Variants in PIP4K2A observed in about 807,000 individuals in gnomAD.
PIP4K2A encodes the protein phosphatidylinositol 5-phosphate 4-kinase type-2 alpha.
Under a neutral mutation model 42.9 loss-of-function variants are expected in PIP4K2A, and 14 were observed. The observed-to-expected ratio is 0.33, with a 90% CI of 0.22 to 0.51. PIP4K2A has a LOEUF of 0.51. PIP4K2A is among the 20% of genes least tolerant of loss of function. PIP4K2A has a pLI of 0.97. For synonymous variants in PIP4K2A, 192 were observed against 192.2 expected, an observed-to-expected ratio of 1.00 and a Z score of 0.01; for missense variants, 434 against 519.8, an observed-to-expected ratio of 0.83 and a Z score of 1.61.
At chr10:22,538,502 G>A (rs568911850) in intron 9 of PIP4K2A, among the ~76,000 whole-genome samples, 2 of 152,190 alleles carry the variant, frequency 1.3e-5, no homozygotes, top group Non-Finnish European at 2.9e-5. Context: ...TAGGATTTCT[G>A]TATGAGGTGA....
chr10:22,642,040 G>A (rs1838793060), intron 1 of PIP4K2A: 1 of 152,312 alleles, frequency 6.6e-6, no homozygotes. Flanking sequence ...AATGGACACA[G>A]TCACTGTTCA....
intron 1 of PIP4K2A, among the ~76,000 whole-genome samples, chr10:22,629,503 T>C (rs1470670720): frequency 6.6e-6 from 1 of 152,152 alleles, no homozygotes; most frequent in Non-Finnish European, 1.5e-5. Flanking sequence ...AGTTCTGTAT[T>C]ATAATTAAAA....
chr10:22,622,846 A>C (rs1750760), intron 1 of PIP4K2A, among the ~76,000 whole-genome samples: 35,731 of 152,170 alleles, frequency 0.23, 6,663 homozygotes, highest in African/African-American at 0.52. Context: ...AGTACTTCAC[A>C]AAGTACTAAA....
chr10:22,606,767 G>A (rs1227402122), intron 3 of PIP4K2A, among the ~76,000 whole-genome samples: 1 of 152,150 alleles, frequency 6.6e-6, no homozygotes. Context: ...CTTAAATTGA[G>A]GGCAGATTAG....
At chr10:22,646,025 T>C (rs1838874423) in intron 1 of PIP4K2A, among the ~76,000 whole-genome samples, 1 of 152,192 alleles carries the variant, frequency 6.6e-6, no homozygotes, top group South Asian at 2.1e-4. Context: ...CCCAGCCTAA[T>C]AATATAATTA....
chr10:22,645,958 G>C (rs1440969601), intron 1 of PIP4K2A, among the ~76,000 whole-genome samples: 3 of 152,214 alleles, frequency 2.0e-5, no homozygotes, highest in Admixed American at 6.5e-5. Context: ...CTGGGCTCAA[G>C]AGATCCACCG....
intron 1 of PIP4K2A, among the ~76,000 whole-genome samples, chr10:22,653,298 G>T (rs1839030418): frequency 6.6e-6 from 1 of 152,034 alleles, no homozygotes; most frequent in South Asian, 2.1e-4. Flanking sequence ...AAGGAAGGCA[G>T]TGCATGACAG....
chr10:22,592,370 C>T (rs2130823124), intron 3 of PIP4K2A, among the ~76,000 whole-genome samples: 1 of 152,310 alleles, frequency 6.6e-6, no homozygotes, highest in South Asian at 2.1e-4. Flanking sequence ...TCCAAACTCT[C>T]AACTAGTAAA....
At position 22,578,064 on chromosome 10, in the gene PIP4K2A, T is replaced by C. The variant is rs994488380; in HGVS notation, c.493-4607A>G. ...GAGGAAATGTGTCTGTGATTTACTT[T>C]TGAAACATTTCTGCAAAAATAAAAT... On this transcript the variant is annotated intron_variant, in intron 4 of 9. Coordinates refer to ENST00000376573, the MANE Select transcript of PIP4K2A (RefSeq NM_005028.5). Among the ~76,000 whole-genome samples, 5 of 152,240 alleles carry C rather than the reference T, an allele frequency of 3.3e-5. No individual in the cohort carries two copies. The South Asian group carries it at 8.3e-4, about 25-fold the overall frequency.
chr10:22,684,139 A>C (rs994764257), intron 1 of PIP4K2A, among the ~76,000 whole-genome samples: 2 of 151,954 alleles, frequency 1.3e-5, no homozygotes, highest in African/African-American at 4.8e-5. Context: ...TTCCCCACTC[A>C]CAGTTTCAGG....
chr10:22,546,978 C>T (rs896576442), intron 7 of PIP4K2A, among the ~76,000 whole-genome samples: 1 of 152,168 alleles, frequency 6.6e-6, no homozygotes, highest in African/African-American at 2.4e-5. Context: ...TCTCAGAAAC[C>T]ACCTGCTGGA....
intron 1 of PIP4K2A, among the ~76,000 whole-genome samples, chr10:22,639,832 A>G (rs908894018): frequency 6.7e-6 from 1 of 150,200 alleles, no homozygotes; most frequent in African/African-American, 2.4e-5. Context: ...TTAAAGTCAC[A>G]TAATGTCTTC....
At chr10:22,585,732 C>G (rs1340695391) in intron 4 of PIP4K2A, among the ~76,000 whole-genome samples, 1 of 151,952 alleles carries the variant, frequency 6.6e-6, no homozygotes. Context: ...TCCTGAGCAG[C>G]TGGGACTACA....
chr10:22,623,841 G>T (rs993366319), intron 1 of PIP4K2A, among the ~76,000 whole-genome samples: 1 of 152,220 alleles, frequency 6.6e-6, no homozygotes, highest in Non-Finnish European at 1.5e-5. Flanking sequence ...GCAGGCCTAA[G>T]ACTGAGCCCT....
chr10:22,539,207 G>C (rs1303419084), intron 9 of PIP4K2A, among the ~76,000 whole-genome samples: 1 of 152,150 alleles, frequency 6.6e-6, no homozygotes, highest in Admixed American at 6.5e-5. Flanking sequence ...GGCTGGGTCC[G>C]GGGGAGGAAT....
At chr10:22,590,446 A>C (rs1194074514) in intron 4 of PIP4K2A, among the ~76,000 whole-genome samples, 2 of 152,122 alleles carry the variant, frequency 1.3e-5, no homozygotes, top group Non-Finnish European at 2.9e-5. Flanking sequence ...CCACCACCAC[A>C]CATTGAGTAT....
At chr10:22,672,030 GC>G (rs1337207315) in intron 1 of PIP4K2A, among the ~76,000 whole-genome samples, 1 of 152,082 alleles carries the variant, frequency 6.6e-6, no homozygotes, top group African/African-American at 2.4e-5. Flanking sequence ...TTTACATATA[GC>G]CCCTAACAAC....
At chr10:22,629,083 C>A (rs1838501383) in intron 1 of PIP4K2A, among the ~76,000 whole-genome samples, 1 of 152,090 alleles carries the variant, frequency 6.6e-6, no homozygotes, top group African/African-American at 2.4e-5. Context: ...TCCAAAACAA[C>A]AATTTTCTCT....
chr10:22,648,058 T>C (rs956604300), intron 1 of PIP4K2A, among the ~76,000 whole-genome samples: 8 of 152,226 alleles, frequency 5.3e-5, no homozygotes, highest in Non-Finnish European at 1.0e-4. Context: ...TCAGACTTTA[T>C]TTCCTTCCTC....
Sources: gnomAD v4.1 joint callset for allele counts (sites outside exome capture counted in the v4.1 genomes callset) on GRCh38, gnomAD v4.1.1 for gene constraint, MANE v1.5 for transcripts, NCBI Gene and HGNC (gene_info 2026-07-23, HGNC 2026-07-21) for gene names.